The following SCOC variants were observed in gnomAD, a reference collection of about 807,000 sequenced individuals.
SCOC encodes the protein short coiled-coil protein, also known as short coiled coil protein.
SCOC carries 7 observed loss-of-function variants against 9.9 expected under a neutral mutation model. The observed-to-expected ratio is 0.71, with a 90% CI of 0.40 to 1.33. The LOEUF is 1.33. Ranked by LOEUF, SCOC falls within the 40% of genes most tolerant of loss-of-function variation. The probability of loss-of-function intolerance (pLI) is 0.01; values close to 1 mark genes in which losing one functional copy is unlikely to be tolerated. For missense variants in SCOC, 66 were observed against 89.7 expected (o/e 0.74, Z 1.07); for synonymous variants, 19 against 28.2 (o/e 0.67, Z 1.03).
At chr4:140,332,061 T>G (rs771310337) in intron 1 of SCOC, among the ~76,000 whole-genome samples, 14 of 152,070 alleles carry the variant, frequency 9.2e-5, no homozygotes, top group Non-Finnish European at 1.6e-4. Flanking sequence ...CCTAGATCTC[T>G]TGAAAACTCT....
chr4:140,350,099 C>T, intron 2 of SCOC, among the ~76,000 whole-genome samples: 1 of 152,190 alleles, frequency 6.6e-6, no homozygotes, highest in East Asian at 1.9e-4. Context: ...AATAACACTA[C>T]CCACCTTTCT....
chr4:140,340,356 T>A (rs1726457858), upstream of SCOC, among the ~76,000 whole-genome samples: 1 of 151,878 alleles, frequency 6.6e-6, no homozygotes. Flanking sequence ...TGTTAAATGA[T>A]GAGTTAATGG....
chr4:140,305,298 T>G (rs1027285012), intron 1 of SCOC, among the ~76,000 whole-genome samples: 1 of 152,182 alleles, frequency 6.6e-6, no homozygotes, highest in Admixed American at 6.5e-5. Flanking sequence ...CGCCTAGTCT[T>G]TCTAGCTGAG....
chr4:140,339,888 T>C (rs1225758030), upstream of SCOC, among the ~76,000 whole-genome samples: 3 of 152,224 alleles, frequency 2.0e-5, no homozygotes, highest in South Asian at 6.2e-4. Context: ...TGGAAGACAG[T>C]GTGGCGATTC....
At chr4:140,343,448 C>T (rs143329509) in exon 1 of SCOC, 16 of 503,346 alleles carry the variant, frequency 3.2e-5, no homozygotes, top group Admixed American at 1.0e-4. Flanking sequence ...CTACCACTTC[C>T]GGTTAAGAAT....
upstream of SCOC, among the ~76,000 whole-genome samples, chr4:140,368,942 T>C (rs2126575041): frequency 6.6e-6 from 1 of 151,620 alleles, no homozygotes; most frequent in East Asian, 2.0e-4. Flanking sequence ...GTTTTTATTC[T>C]CCTTTCACAG....
intron 1 of SCOC, among the ~76,000 whole-genome samples, chr4:140,276,176 G>C (rs1382720102): frequency 1.3e-5 from 2 of 152,076 alleles, no homozygotes; most frequent in Non-Finnish European, 2.9e-5. Flanking sequence ...CTAAATTTTT[G>C]TATTTTTAGT....
chr4:140,355,226 T>TGAG (rs9308116), intron 2 of SCOC, among the ~76,000 whole-genome samples: 2 of 122,108 alleles, frequency 1.6e-5, no homozygotes, highest in Admixed American at 8.0e-5. Context: ...TATATATATA[T>TGAG]ATATATATAT....
At chr4:140,270,650 G>A (rs1324006305) in intron 1 of SCOC, among the ~76,000 whole-genome samples, 2 of 152,138 alleles carry the variant, frequency 1.3e-5, no homozygotes, top group African/African-American at 4.8e-5. Flanking sequence ...CTAGGATACA[G>A]GACTAGTGAC....
At position 140,278,379 on chromosome 4, in the gene SCOC, G is replaced by A. The variant is rs563081763; in HGVS notation, c.-19+20969G>A. ...CAGTGGCGCAATCTTGGCTCACTGCGAGCTCGGCCTCCTGGGTTCACGCCA... is the reference window on the plus strand; with the variant it reads ...CAGTGGCGCAATCTTGGCTCACTGCAAGCTCGGCCTCCTGGGTTCACGCCA... On this transcript the variant is annotated intron_variant, in intron 1 of 4. Coordinates refer to the SCOC transcript ENST00000394205. Among the ~76,000 whole-genome samples the A allele has an allele frequency of 2.4e-4, 37 of 151,730 alleles. 2 individuals are homozygous for A. In the South Asian group the frequency reaches 3.8e-3, roughly 15 times the overall value.
chr4:140,268,878 C>A (rs796376189), intron 1 of SCOC, among the ~76,000 whole-genome samples: 1 of 152,018 alleles, frequency 6.6e-6, no homozygotes, highest in Non-Finnish European at 1.5e-5. Context: ...TTGGGGGATG[C>A]GATTTTTCAT....
chr4:140,277,279 A>C (rs1400377151), intron 1 of SCOC, among the ~76,000 whole-genome samples: 2 of 152,056 alleles, frequency 1.3e-5, no homozygotes, highest in African/African-American at 4.8e-5. Context: ...GCCACCCACA[A>C]CTAGGCTGCA....
At chr4:140,260,117 T>C (rs975096838) in intron 1 of SCOC, among the ~76,000 whole-genome samples, 4 of 152,240 alleles carry the variant, frequency 2.6e-5, no homozygotes, top group African/African-American at 9.7e-5. Flanking sequence ...TTTTCCCTAG[T>C]GTTTTGAGTT....
At chr4:140,372,853 T>G (rs1258578055), upstream of SCOC, among the ~76,000 whole-genome samples, 2 of 152,166 alleles carry the variant, frequency 1.3e-5, no homozygotes, top group African/African-American at 4.8e-5. Flanking sequence ...AGTACTAGAT[T>G]ACGATGAACG....
upstream of SCOC, among the ~76,000 whole-genome samples, chr4:140,342,630 G>C (rs1412519026): frequency 6.6e-6 from 1 of 152,164 alleles, no homozygotes; most frequent in Non-Finnish European, 1.5e-5. Context: ...GCACAGTGCA[G>C]AATGTAGCAT....
chr4:140,335,958 T>C (rs1340674088), intron 1 of SCOC, among the ~76,000 whole-genome samples: 1 of 152,190 alleles, frequency 6.6e-6, no homozygotes, highest in Non-Finnish European at 1.5e-5. Flanking sequence ...TCAGTGTTTA[T>C]GCTTTTGAGT....
intron 1 of SCOC, among the ~76,000 whole-genome samples, chr4:140,275,677 C>T (rs1730962543): frequency 6.6e-6 from 1 of 152,094 alleles, no homozygotes; most frequent in Non-Finnish European, 1.5e-5. Flanking sequence ...TTTCACAGTG[C>T]CTAGCAGAGT....
chr4:140,331,036 T>C (rs1732802731), intron 1 of SCOC, among the ~76,000 whole-genome samples: 1 of 152,196 alleles, frequency 6.6e-6, no homozygotes, highest in African/African-American at 2.4e-5. Context: ...CCACTTTCCC[T>C]TATTAGGCAG....
chr4:140,360,565 T>C (rs1727421500), intron 2 of SCOC: 1 of 152,190 alleles, frequency 6.6e-6, no homozygotes. Flanking sequence ...GAGAGATAAC[T>C]TGATAGGAAG....
Sources: gnomAD v4.1 joint callset for allele counts (sites outside exome capture counted in the v4.1 genomes callset) on GRCh38, gnomAD v4.1.1 for gene constraint, MANE v1.5 for transcripts, NCBI Gene and HGNC (gene_info 2026-07-23, HGNC 2026-07-21) for gene names.